VPS13B: variants seen among roughly 807,000 people sequenced by gnomAD.
VPS13B encodes the protein intermembrane lipid transfer protein VPS13B.
Under a neutral mutation model 426.4 loss-of-function variants are expected in VPS13B, and 285 were observed. That is an observed-to-expected ratio of 0.67 (90% confidence interval 0.61 to 0.74). The LOEUF (loss-of-function observed/expected upper bound fraction) is 0.74. Among genes scored for constraint, VPS13B ranks in the 30% least tolerant of loss-of-function variants. The pLI, the probability that VPS13B is intolerant of heterozygous loss-of-function variation, is 0.00. For missense variants in VPS13B, 4,537 were observed against 4,782.6 expected (o/e 0.95, Z 1.51); for synonymous variants, 1,676 against 1,676.4 (o/e 1.00, Z 0.01).
chr8:99,380,819 T>A (rs1813753446), intron 19 of VPS13B, among the ~76,000 whole-genome samples: 1 of 151,850 alleles, frequency 6.6e-6, no homozygotes, highest in Admixed American at 6.6e-5. Flanking sequence ...CCAGCTATGG[T>A]TTATTCTGAC....
At chr8:99,587,349 G>T (rs551983689) in intron 33 of VPS13B, among the ~76,000 whole-genome samples, 3 of 152,022 alleles carry the variant, frequency 2.0e-5, no homozygotes, top group South Asian at 2.1e-4. Flanking sequence ...GTAATGGGAT[G>T]GCTGGGTCAA....
At chr8:99,231,377 T>C (rs1816314345) in intron 17 of VPS13B, among the ~76,000 whole-genome samples, 1 of 152,200 alleles carries the variant, frequency 6.6e-6, no homozygotes, top group Non-Finnish European at 1.5e-5. Context: ...TCTGGTGGTA[T>C]AACGGCTTGC....
intron 33 of VPS13B, among the ~76,000 whole-genome samples, chr8:99,592,552 G>GA (rs75486340): frequency 0.14 from 20,754 of 151,780 alleles, 1,970 homozygotes; most frequent in East Asian, 0.39. Context: ...CTGTTTGTTA[G>GA]AAAAAAACTT....
chr8:99,336,923 A>G (rs1387918688), intron 19 of VPS13B, among the ~76,000 whole-genome samples: 5 of 151,986 alleles, frequency 3.3e-5, no homozygotes, highest in Non-Finnish European at 5.9e-5. Context: ...TGGGACTGTA[A>G]ACTAGTTCAA....
At chr8:99,866,472 C>G (rs1053069859) in intron 58 of VPS13B, among the ~76,000 whole-genome samples, 1 of 152,250 alleles carries the variant, frequency 6.6e-6, no homozygotes, top group Non-Finnish European at 1.5e-5. Flanking sequence ...TTCCACAGCT[C>G]CCTCTCTGAC....
At chr8:99,343,860 T>C (rs979885188) in intron 19 of VPS13B, among the ~76,000 whole-genome samples, 1 of 152,184 alleles carries the variant, frequency 6.6e-6, no homozygotes, top group Non-Finnish European at 1.5e-5. Context: ...TACTTATGGA[T>C]TGAAAGAATC....
chr8:99,489,775 G>T (rs1386397107), intron 25 of VPS13B, among the ~76,000 whole-genome samples: 1 of 152,206 alleles, frequency 6.6e-6, no homozygotes, highest in African/African-American at 2.4e-5. Flanking sequence ...CTTTGCCAAA[G>T]TTGCTTATCA....
At chr8:99,138,174 C>G (rs182170551) in intron 12 of VPS13B, among the ~76,000 whole-genome samples, 7 of 152,250 alleles carry the variant, frequency 4.6e-5, no homozygotes, top group Non-Finnish European at 1.0e-4. Flanking sequence ...CTCTGTTGCT[C>G]AGAGTGCAGC....
At chr8:99,803,056 G>A (rs970140165) in intron 43 of VPS13B, among the ~76,000 whole-genome samples, 1 of 152,136 alleles carries the variant, frequency 6.6e-6, no homozygotes, top group African/African-American at 2.4e-5. Flanking sequence ...TCCTAATGCT[G>A]CCAAATTTTT....
At chr8:99,843,358 GA>G (rs993522945) in intron 54 of VPS13B, among the ~76,000 whole-genome samples, 1 of 150,810 alleles carries the variant, frequency 6.6e-6, no homozygotes, top group African/African-American at 2.4e-5. Context: ...ACAAACAGCT[GA>G]AAAAAAAATC....
At chr8:99,739,685 C>T (rs1006967109) in intron 39 of VPS13B, among the ~76,000 whole-genome samples, 2 of 152,200 alleles carry the variant, frequency 1.3e-5, no homozygotes, top group African/African-American at 4.8e-5. Flanking sequence ...GTTCTGCAGC[C>T]TCCGCTGCTG....
chr8:99,821,345 T>A lies in VPS13B; in HGVS notation c.9046T>A (p.Ser3016Thr). The change falls in exon 50 of 62, where the codon TCA becomes ACA. Residue 3016 changes from serine to threonine, a missense_variant. This residue lies in a region of VPS13B where 4,311 missense variants were observed against 4,474.3 expected (regional missense o/e 0.96). Transcript: ENST00000357162. ...GGCAAATACAAACACTGTGCACAAG[T>A]CAGTAGCAATTAAACTGGTCCATAA... ...YWANTNTVHKSVAIKLVHNLT... is the reference protein window; with the variant it reads ...YWANTNTVHKTVAIKLVHNLT... 1 of 1,613,826 alleles carries A rather than the reference T, an allele frequency of 6.2e-7. No homozygotes were observed. Among genetic ancestry groups the A allele is most frequent in the Non-Finnish European group, 8.5e-7 (1 of 1,179,832 alleles).
At chr8:99,485,722 T>A (rs1371376610) in intron 25 of VPS13B, among the ~76,000 whole-genome samples, 1 of 152,210 alleles carries the variant, frequency 6.6e-6, no homozygotes, top group Non-Finnish European at 1.5e-5. Flanking sequence ...CAACAGATTA[T>A]CAGGACAATG....
chr8:99,417,310 A>G (rs973498537), intron 21 of VPS13B, among the ~76,000 whole-genome samples: 1 of 152,190 alleles, frequency 6.6e-6, no homozygotes, highest in African/African-American at 2.4e-5. Flanking sequence ...AAATATTGAC[A>G]CCAATTTCAT....
intron 19 of VPS13B, among the ~76,000 whole-genome samples, chr8:99,380,604 C>T (rs1056691869): frequency 6.6e-6 from 1 of 151,962 alleles, no homozygotes; most frequent in African/African-American, 2.4e-5. Flanking sequence ...TAGGAGTATA[C>T]ATGGCAAATT....
chr8:99,013,670 G>C (rs1841439538), intron 1 of VPS13B, 90 bp from the exon 2 acceptor site: 15 of 1,269,526 alleles, frequency 1.2e-5, no homozygotes, highest in Non-Finnish European at 1.7e-5. Context: ...GGCCGCTTTG[G>C]TGGGGACTTA....
At chr8:99,751,354 T>G (rs1810385032) in intron 39 of VPS13B, among the ~76,000 whole-genome samples, 1 of 152,196 alleles carries the variant, frequency 6.6e-6, no homozygotes, top group South Asian at 2.1e-4. Flanking sequence ...CTTCCACTGA[T>G]AGTTAAATTA....
At chr8:99,743,896 A>T (rs1563894832) in intron 39 of VPS13B, among the ~76,000 whole-genome samples, 2 of 152,240 alleles carry the variant, frequency 1.3e-5, no homozygotes, top group African/African-American at 4.8e-5. Context: ...AGGCAATACC[A>T]TTCAGGACAT....
At chr8:99,514,062 T>C (rs1304304862) in intron 29 of VPS13B, among the ~76,000 whole-genome samples, 3 of 152,244 alleles carry the variant, frequency 2.0e-5, no homozygotes, top group Non-Finnish European at 2.9e-5. Flanking sequence ...TAGATCTTCA[T>C]TGCAGAGCTT....
Sources: gnomAD v4.1 joint callset for allele counts (sites outside exome capture counted in the v4.1 genomes callset) on GRCh38, gnomAD v4.1.1 for gene constraint, gnomAD v4.1.1 regional missense constraint, MANE v1.5 for transcripts, NCBI Gene and HGNC (gene_info 2026-07-23, HGNC 2026-07-21) for gene names.